The following MACROD2 variants were observed in gnomAD, a reference collection of about 807,000 sequenced individuals.
MACROD2 encodes mono-ADP ribosylhydrolase 2, also known as ADP-ribose glycohydrolase MACROD2.
MACROD2 carries 36 observed loss-of-function variants against 70.4 expected under a neutral mutation model. The observed-to-expected ratio is 0.51, with a 90% CI of 0.39 to 0.68. MACROD2 has a LOEUF of 0.68. MACROD2 is among the 30% of genes least tolerant of loss of function. The probability of loss-of-function intolerance (pLI) is 0.00; values close to 1 mark genes in which losing one functional copy is unlikely to be tolerated. For synonymous variants in MACROD2, 172 were observed against 178.8 expected, an observed-to-expected ratio of 0.96 and a Z score of 0.30; for missense variants, 496 against 538.4, an observed-to-expected ratio of 0.92 and a Z score of 0.78.
At chr20:15,320,964 A>G (rs1258002761) in intron 6 of MACROD2, among the ~76,000 whole-genome samples, 4 of 152,210 alleles carry the variant, frequency 2.6e-5, no homozygotes, top group Admixed American at 6.5e-5. Flanking sequence ...TGAGGAAAAA[A>G]ACAACTCTTG....
At chr20:15,007,489 A>G (rs1192550068) in intron 5 of MACROD2, among the ~76,000 whole-genome samples, 2 of 152,180 alleles carry the variant, frequency 1.3e-5, no homozygotes, top group Non-Finnish European at 2.9e-5. Context: ...ATGCATCATG[A>G]GTGAGGTTAG....
At chr20:14,214,606 G>GTTT (rs11483760) in intron 3 of MACROD2, among the ~76,000 whole-genome samples, 4 of 139,220 alleles carry the variant, frequency 2.9e-5, no homozygotes, top group Non-Finnish European at 4.6e-5. Context: ...TTTTTTTAAG[G>GTTT]TTTTTTTTTT....
chr20:15,356,849 T>C (rs1288009423), intron 6 of MACROD2, among the ~76,000 whole-genome samples: 1 of 152,248 alleles, frequency 6.6e-6, no homozygotes, highest in Non-Finnish European at 1.5e-5. Context: ...TAATTTGTCC[T>C]GTAGCCAAAT....
At chr20:14,134,753 C>T (rs544968050) in intron 3 of MACROD2, among the ~76,000 whole-genome samples, 1 of 131,224 alleles carries the variant, frequency 7.6e-6, no homozygotes, top group African/African-American at 2.9e-5. Flanking sequence ...TGCAGTGAGC[C>T]GAGATCGCGC....
intron 3 of MACROD2, among the ~76,000 whole-genome samples, chr20:14,360,513 T>C (rs183833867): frequency 1.4e-4 from 21 of 152,316 alleles, no homozygotes; most frequent in Non-Finnish European, 2.2e-4. Context: ...TTGAGTCCAA[T>C]GGGTTTGGAA....
chr20:14,042,579 A>G (rs965532981), intron 2 of MACROD2, among the ~76,000 whole-genome samples: 2 of 152,086 alleles, frequency 1.3e-5, no homozygotes, highest in African/African-American at 4.8e-5. Context: ...GCTCACTGCA[A>G]CCTGCAACCT....
intron 3 of MACROD2, among the ~76,000 whole-genome samples, chr20:14,303,767 C>A (rs775112237): frequency 8.5e-5 from 13 of 152,084 alleles, no homozygotes; most frequent in Non-Finnish European, 1.2e-4. Context: ...GTCTTCCAAC[C>A]CACAGCCCCC....
chr20:14,825,803 G>A (rs1039161218), intron 5 of MACROD2, among the ~76,000 whole-genome samples: 29 of 152,098 alleles, frequency 1.9e-4, no homozygotes, highest in Admixed American at 8.5e-4. Context: ...TGGTATTTGG[G>A]CTTGTCTGAA....
intron 8 of MACROD2, among the ~76,000 whole-genome samples, chr20:15,620,488 G>T (rs2049109708): frequency 6.6e-6 from 1 of 152,076 alleles, no homozygotes; most frequent in African/African-American, 2.4e-5. Flanking sequence ...AATTGTAATG[G>T]CTCCTACCTC....
rs1568549960 is a variant in MACROD2, at chr20:14,312,722, ATACTTTTAG to A, written c.272-180748_272-180740del. Among the ~76,000 whole-genome samples the A allele has an allele frequency of 2.6e-5, 4 of 152,338 alleles. No individual in the cohort carries two copies. The East Asian group carries it at 5.8e-4, about 22-fold the overall frequency. ...GGCACTACTATATTAAGTACTTCAT[ATACTTTTAG>A]TACTTTTAATTCATTTACCAATTCT... On this transcript the variant is annotated intron_variant, in intron 3 of 17. Coordinates refer to ENST00000684519, the MANE Select transcript of MACROD2 (RefSeq NM_001351661.2).
chr20:15,594,319 T>C (rs1776010771), intron 8 of MACROD2, among the ~76,000 whole-genome samples: 1 of 152,196 alleles, frequency 6.6e-6, no homozygotes, highest in Admixed American at 6.5e-5. Context: ...TGCTCTGTGC[T>C]CTATGGAATT....
intron 3 of MACROD2, among the ~76,000 whole-genome samples, chr20:14,286,249 G>C (rs979409): frequency 0.015 from 2,293 of 152,232 alleles, 24 homozygotes; most frequent in African/African-American, 0.027. Flanking sequence ...TATGGGAGAA[G>C]TCTTTTTTTC....
At chr20:14,872,453 A>G (rs994710062) in intron 5 of MACROD2, among the ~76,000 whole-genome samples, 5 of 152,102 alleles carry the variant, frequency 3.3e-5, no homozygotes, top group Admixed American at 2.0e-4. Flanking sequence ...TTTCTCTCAC[A>G]TGATGTCTGA....
chr20:14,847,565 A>T (rs1179234635), intron 5 of MACROD2, among the ~76,000 whole-genome samples: 1 of 149,764 alleles, frequency 6.7e-6, no homozygotes, highest in Admixed American at 6.7e-5. Context: ...TTTTCATAAT[A>T]ATGTTTGTGA....
chr20:14,252,102 G>A (rs1375216078), intron 3 of MACROD2, among the ~76,000 whole-genome samples: 3 of 151,962 alleles, frequency 2.0e-5, no homozygotes, highest in African/African-American at 7.2e-5. Context: ...TAAATATATC[G>A]GAGGGTAACT....
chr20:15,719,101 CAG>C (rs1218311635), intron 8 of MACROD2, among the ~76,000 whole-genome samples: 4 of 152,104 alleles, frequency 2.6e-5, no homozygotes, highest in African/African-American at 9.7e-5. Context: ...ATTCTGCACA[CAG>C]AGAAATACCA....
chr20:15,442,103 C>T (rs2046502539), intron 7 of MACROD2, among the ~76,000 whole-genome samples: 1 of 152,108 alleles, frequency 6.6e-6, no homozygotes, highest in Non-Finnish European at 1.5e-5. Context: ...GCTCCTTGTA[C>T]ATACTTGTGT....
intron 5 of MACROD2, among the ~76,000 whole-genome samples, chr20:14,957,834 T>C (rs1274290857): frequency 6.6e-6 from 1 of 151,792 alleles, no homozygotes; most frequent in Non-Finnish European, 1.5e-5. Context: ...TGTTATTTTT[T>C]ACTTTGGTGT....
chr20:15,490,233 C>CTCCCTTCCTTCCTCCCT (rs1555828638), intron 7 of MACROD2, among the ~76,000 whole-genome samples: 4 of 114,320 alleles, frequency 3.5e-5, no homozygotes, highest in African/African-American at 1.2e-4. Flanking sequence ...CCCTTCCTTC[C>CTCCCTTCCTTCCTCCCT]TCCCTTCCCT....
Sources: allele counts gnomAD v4.1 joint callset (sites outside exome capture counted in the v4.1 genomes callset), GRCh38; gene constraint gnomAD v4.1.1; transcripts MANE v1.5; gene names NCBI Gene and HGNC (gene_info 2026-07-23, HGNC 2026-07-21).